The following CFAP418 variants were observed in gnomAD, a reference collection of about 807,000 sequenced individuals.
CFAP418 encodes the protein cilia- and flagella-associated protein 418.
A neutral mutation model predicts 24.7 loss-of-function variants in CFAP418; 27 were observed. That is an observed-to-expected ratio of 1.09 (90% CI 0.81 to 1.51). The LOEUF is 1.51. Ranked by LOEUF, CFAP418 falls within the 40% of genes most tolerant of loss-of-function variation. CFAP418 has a pLI of 0.00. For missense variants in CFAP418, 257 were observed against 255.2 expected, an observed-to-expected ratio of 1.01 and a Z score of -0.05; for synonymous variants, 74 against 87.3, an observed-to-expected ratio of 0.85 and a Z score of 0.85.
At position 95,252,260 on chromosome 8, in the gene CFAP418, A is replaced by T. The variant is rs1299338931; in HGVS notation, c.398T>A (p.Ile133Lys). Reference protein sequence around the residue: ...SWRACDHLRCIACDFLVVSYD... With the variant: ...SWRACDHLRCKACDFLVVSYD... ...GCTGACTACCAAGAAATCACAGGCTATACAACGCAGATGGTCACATGCTCT... is the reference window on the plus strand; with the variant it reads ...GCTGACTACCAAGAAATCACAGGCTTTACAACGCAGATGGTCACATGCTCT... Residue 133 changes from isoleucine (I) to lysine (K), a missense_variant, in exon 5 of 6, where the codon ATA becomes AAA. By Grantham distance (102) the Ile-to-Lys change is moderately radical. Coordinates refer to ENST00000286688, the MANE Select transcript of CFAP418 (RefSeq NM_177965.4). 5 of 1,613,686 alleles carry T rather than the reference A, an allele frequency of 3.1e-6. No homozygotes were observed. The highest frequency in any genetic ancestry group is 3.4e-6 in the Non-Finnish European group (4 of 1,179,754).
chr8:95,265,723 A>G (rs1287394376), intron 1 of CFAP418, among the ~76,000 whole-genome samples: 1 of 152,200 alleles, frequency 6.6e-6, no homozygotes, highest in Non-Finnish European at 1.5e-5. Context: ...ACCAGCTTAC[A>G]TAAGATTCTG....
chr8:95,269,156 C>T lies in CFAP418; in HGVS notation c.34G>A (p.Val12Ile), dbSNP rs780006826. 6.2e-7 allele frequency: 1 copy of T among 1,614,252 alleles called. No homozygotes were observed. ...AEDLDELLDE[V>I]ESKFCTPDLL... ...TCAGGTGTGCAAAACTTGGACTCGA[C>T]TTCATCCAAGAGCTCGTCCAGGTCC... is the stretch of plus-strand genomic sequence containing the variant. The change falls in exon 1 of 6, where the codon GTC becomes ATC. Residue 12 changes from valine to isoleucine, a missense_variant. Transcript: ENST00000286688.
In CFAP418 at chr8:95,245,204, A is replaced by AT. The variant is rs1811597916; in HGVS notation, c.*2412dup. 1 of 152,188 alleles carries AT rather than the reference A, an allele frequency of 6.6e-6. No individual in the cohort carries two copies. Among genetic ancestry groups the AT allele is most frequent in the African/African-American group, 2.4e-5 (1 of 41,448 alleles). The allele number at this position is 152,188 out of a possible 1,614,324, so 9.4% of individuals were successfully genotyped here. A position where few individuals can be genotyped will look rare whatever the true frequency, so the allele number is the denominator to read the frequency against. ...TCTATACTGATACTAAAATAGTTTC[A>AT]TTTTCAGCTTAAATTACAACAGTTA... On this transcript the variant is annotated 3_prime_UTR_variant, in exon 6 of 6. Transcript: ENST00000286688.
intron 5 of CFAP418, among the ~76,000 whole-genome samples, chr8:95,249,469 C>A (rs35482239): frequency 0.063 from 9,600 of 152,172 alleles, 395 homozygotes; most frequent in Non-Finnish European, 0.088. Context: ...TCGAGACCAG[C>A]ATGGGCAACA....
chr8:95,263,529 T>G (rs1420358494), intron 2 of CFAP418, among the ~76,000 whole-genome samples, 158 bp downstream of exon 2: 1 of 152,208 alleles, frequency 6.6e-6, no homozygotes, highest in Non-Finnish European at 1.5e-5. Flanking sequence ...GATATTTTAC[T>G]GCTTCTACTG....
rs1333607642 is a variant in CFAP418 at position 95,245,091 on chromosome 8, A to C, written c.*2526T>G. ...TTGCTAAAGATAGAAAATTATTATA[A>C]ATCTTAAAAACAAACAGGCAAAACA... On this transcript the variant is annotated 3_prime_UTR_variant, in exon 6 of 6. Transcript: ENST00000286688. 1 of 152,156 alleles carries C rather than the reference A, an allele frequency of 6.6e-6. No individual in the cohort carries two copies. Among genetic ancestry groups the C allele is most frequent in the Non-Finnish European group, 1.5e-5 (1 of 68,032 alleles). 9.4% of individuals were successfully genotyped at this position (152,156 alleles called of 1,614,324 possible). A position where few individuals can be genotyped will look rare whatever the true frequency, so the allele number is the denominator to read the frequency against.
At chr8:95,259,523 G>C (rs1811850366) in intron 4 of CFAP418, among the ~76,000 whole-genome samples, 1 of 152,172 alleles carries the variant, frequency 6.6e-6, no homozygotes, top group South Asian at 2.1e-4. Flanking sequence ...TCATGTATCT[G>C]CATGGCCACT....
chr8:95,249,211 G>A (rs1013473543), intron 5 of CFAP418, among the ~76,000 whole-genome samples: 4 of 152,206 alleles, frequency 2.6e-5, no homozygotes, highest in African/African-American at 4.8e-5. Context: ...ATCTAATTAT[G>A]ACATTTGAAA....
rs150190565 is a variant in CFAP418 at position 95,256,867 on chromosome 8, A to T, written c.374+2973T>A. On this transcript the variant is annotated intron_variant, in intron 4 of 5. Transcript: ENST00000286688. ...GAAAAACATAAGTGGAAAGTACAGA[A>T]TGACAAGCATCCCAGTGGCAGTGGA... is the stretch of plus-strand genomic sequence containing the variant. 8.0e-4 allele frequency among the ~76,000 whole-genome samples: 122 copies of T among 152,348 alleles called. No homozygotes were observed. The East Asian group carries it at 0.019, about 24-fold the overall frequency.
At chr8:95,267,889 G>A (rs1269905445) in intron 1 of CFAP418, among the ~76,000 whole-genome samples, 1 of 145,052 alleles carries the variant, frequency 6.9e-6, no homozygotes, top group African/African-American at 2.6e-5. Flanking sequence ...TTTTTTTTTT[G>A]AGGGGTTGTG....
Position 95,247,639 on chromosome 8 carries a change from C to A in CFAP418, c.602G>T (p.Arg201Leu), listed in dbSNP as rs115660509. 4 of 1,614,188 alleles carry A rather than the reference C, an allele frequency of 2.5e-6. No individual in the cohort carries two copies. The highest frequency in any genetic ancestry group is 1.3e-5 in the African/African-American group (1 of 75,070). The stretch of plus-strand genomic sequence containing the variant: ...TTCTTAATGTTTACCACAAACCCAG[C>A]GAAGCTGATGATCTGTCTGAAGGTC... Reference protein sequence around the residue: ...VTDLQTDHQLRWVCGKH With the variant: ...VTDLQTDHQLLWVCGKH Residue 201 changes from arginine to leucine, a missense_variant, in exon 6 of 6, where the codon CGC becomes CTC. Coordinates refer to ENST00000286688, the MANE Select transcript of CFAP418 (RefSeq NM_177965.4).
chr8:95,259,347 G>A (rs1041594337), intron 4 of CFAP418, among the ~76,000 whole-genome samples: 4 of 152,204 alleles, frequency 2.6e-5, no homozygotes, highest in African/African-American at 9.7e-5. Context: ...GAGGTACTGA[G>A]TGAGAAAGTG....
intron 1 of CFAP418, 21 bp downstream of exon 1, chr8:95,269,014 C>T (rs1339699155): frequency 6.2e-7 from 1 of 1,611,824 alleles, no homozygotes; most frequent in South Asian, 1.1e-5. Flanking sequence ...CAGAACAGTC[C>T]ACCCCTCCCG....
In CFAP418 at chr8:95,265,052, T is replaced by C. The variant is rs552918904; in HGVS notation, c.156-1278A>G. Among the ~76,000 whole-genome samples, 254 of 152,276 alleles carry C rather than the reference T, an allele frequency of 1.7e-3. 1 individual carries two copies. Among genetic ancestry groups the C allele is most frequent in the African/African-American group, 5.8e-3 (240 of 41,552 alleles). On this transcript the variant is annotated intron_variant, in intron 1 of 5. Coordinates refer to ENST00000286688, the MANE Select transcript of CFAP418 (RefSeq NM_177965.4). ...ACAAGTAGACTAGATTTAGAATCAG[T>C]TGGGTGCTAATCCTAGGCGGGGGTT...
intron 5 of CFAP418, among the ~76,000 whole-genome samples, chr8:95,251,130 A>AATCAT (rs1198911336): frequency 3.9e-5 from 6 of 152,262 alleles, no homozygotes; most frequent in African/African-American, 1.2e-4. Flanking sequence ...TATAAATATG[A>AATCAT]GCAAGACATT....
At chr8:95,259,440 G>A (rs372386874) in intron 4 of CFAP418, among the ~76,000 whole-genome samples, 1 of 152,132 alleles carries the variant, frequency 6.6e-6, no homozygotes, top group South Asian at 2.1e-4. Flanking sequence ...AAGCAACTAC[G>A]CTTGAGAATG....
At chr8:95,262,103 T>G (rs7814173) in intron 2 of CFAP418, among the ~76,000 whole-genome samples, 3,477 of 152,280 alleles carry the variant, frequency 0.023, 62 homozygotes, top group African/African-American at 0.024. Context: ...AATACAGTAT[T>G]TGTGGCATGC....
At chr8:95,267,601 A>G (rs1297235346) in intron 1 of CFAP418, among the ~76,000 whole-genome samples, 2 of 152,236 alleles carry the variant, frequency 1.3e-5, no homozygotes, top group Non-Finnish European at 2.9e-5. Flanking sequence ...ATAAATAAGT[A>G]AATAAAATAA....
chr8:95,245,095 T>A lies in CFAP418; in HGVS notation c.*2522A>T, dbSNP rs1811595262. On this transcript the variant is annotated 3_prime_UTR_variant, in exon 6 of 6. Transcript: ENST00000286688. ...TAAAGATAGAAAATTATTATAAATC[T>A]TAAAAACAAACAGGCAAAACATCTT... 1 of 152,154 alleles carries A rather than the reference T, an allele frequency of 6.6e-6. No homozygotes were observed. The highest frequency in any genetic ancestry group is 1.5e-5 in the Non-Finnish European group (1 of 68,030). 9.4% of individuals were successfully genotyped at this position (152,154 alleles called of 1,614,324 possible). A position where few individuals can be genotyped will look rare whatever the true frequency, so the allele number is the denominator to read the frequency against.
Sources: gnomAD v4.1 joint callset for allele counts (sites outside exome capture counted in the v4.1 genomes callset) on GRCh38, gnomAD v4.1.1 for gene constraint, MANE v1.5 for transcripts, NCBI Gene and HGNC (gene_info 2026-07-23, HGNC 2026-07-21) for gene names.